TENM3: variants seen among roughly 807,000 people sequenced by gnomAD.
TENM3 encodes teneurin-3.
A neutral mutation model predicts 255.1 loss-of-function variants in TENM3; 63 were observed. That is an observed-to-expected ratio of 0.25 (90% CI 0.20 to 0.30). TENM3 has a LOEUF of 0.30. TENM3 is among the 10% of genes least tolerant of loss of function. TENM3 has a pLI of 1.00. For missense variants in TENM3, 2,929 were observed against 3,461.1 expected (o/e 0.85, Z 3.86); for synonymous variants, 1,306 against 1,322.3 (o/e 0.99, Z 0.27).
At chr4:182,008,205 G>T in the TENM3 span, among the ~76,000 whole-genome samples, 1 of 151,940 alleles carries the variant, frequency 6.6e-6, no homozygotes, top group Admixed American at 6.6e-5. Flanking sequence ...TGTGTCTTGG[G>T]GTTGATCTTC....
the TENM3 span, among the ~76,000 whole-genome samples, chr4:181,829,733 C>T: frequency 6.6e-6 from 1 of 152,158 alleles, no homozygotes; most frequent in Non-Finnish European, 1.5e-5. Context: ...GTGCCAGCCC[C>T]TACATTGCCC....
intron 1 of TENM3, among the ~76,000 whole-genome samples, chr4:182,227,505 C>T (rs1311992219): frequency 6.6e-6 from 1 of 152,128 alleles, no homozygotes; most frequent in African/African-American, 2.4e-5. Context: ...TTTCCCAAAC[C>T]GTAGGCGTCA....
At chr4:181,899,894 A>G in the TENM3 span, among the ~76,000 whole-genome samples, 1 of 152,044 alleles carries the variant, frequency 6.6e-6, no homozygotes, top group Admixed American at 6.6e-5. Context: ...ACTACCCTGG[A>G]TATTTTATTC....
rs186147331 is a variant in TENM3 at position 182,679,521 on chromosome 4, A to G, written c.1327-145A>G. The G allele has an allele frequency of 3.9e-4, 254 of 646,132 alleles. 1 individual carries two copies. The African/African-American group carries it at 4.1e-3, about 10-fold the overall frequency. The allele number at this position is 646,132 out of a possible 1,614,324, so 40.0% of individuals were successfully genotyped here. A position where few individuals can be genotyped will look rare whatever the true frequency, so the allele number is the denominator to read the frequency against. ...CCTCCTTGTAAATGCTATGCATGGGAGACTTCTACCATTTGGACCTGTCAG... is the reference window on the plus strand; with the variant it reads ...CCTCCTTGTAAATGCTATGCATGGGGGACTTCTACCATTTGGACCTGTCAG... On this transcript the variant is annotated intron_variant, in intron 7 of 27. Coordinates refer to ENST00000511685, the MANE Select transcript of TENM3 (RefSeq NM_001080477.4).
chr4:182,721,404 CA>C (rs1368734421), intron 13 of TENM3, among the ~76,000 whole-genome samples: 1 of 152,140 alleles, frequency 6.6e-6, no homozygotes, highest in Non-Finnish European at 1.5e-5. Context: ...CATGCCCGTA[CA>C]CATAGGCCCA....
intron 1 of TENM3, among the ~76,000 whole-genome samples, chr4:182,149,175 T>G (rs1181289887): frequency 6.6e-6 from 1 of 151,946 alleles, no homozygotes; most frequent in Non-Finnish European, 1.5e-5. Context: ...CGGATTGGTG[T>G]TTTTCCAGCT....
intron 4 of TENM3, among the ~76,000 whole-genome samples, chr4:182,607,546 T>G (rs999697461): frequency 2.6e-5 from 4 of 152,204 alleles, no homozygotes; most frequent in African/African-American, 9.6e-5. Flanking sequence ...AAAGCCTTCA[T>G]AGATGCATTG....
intron 3 of TENM3, among the ~76,000 whole-genome samples, chr4:182,495,210 G>A (rs1379579252): frequency 6.6e-6 from 1 of 152,168 alleles, no homozygotes; most frequent in Non-Finnish European, 1.5e-5. Flanking sequence ...TTTCTGATGC[G>A]AATATTCAGA....
rs375361058 is a variant in TENM3, at chr4:182,365,617, T to A, written c.511+18688T>A. ...TTTCCACAAAGTTTCTGTATCCTTATTGAGTAAATGAAAAACATAAAGCAG... is the reference window on the plus strand; with the variant it reads ...TTTCCACAAAGTTTCTGTATCCTTAATGAGTAAATGAAAAACATAAAGCAG... On this transcript the variant is annotated intron_variant, in intron 3 of 27. Coordinates refer to ENST00000511685, the MANE Select transcript of TENM3 (RefSeq NM_001080477.4). Among the ~76,000 whole-genome samples the A allele has an allele frequency of 9.2e-4, 140 of 152,334 alleles. 5 individuals are homozygous for A. The South Asian group carries it at 0.028, about 30-fold the overall frequency.
At chr4:182,786,249 A>G (rs1765645183) in intron 24 of TENM3, among the ~76,000 whole-genome samples, 1 of 151,804 alleles carries the variant, frequency 6.6e-6, no homozygotes, top group African/African-American at 2.4e-5. Context: ...CACACTCACA[A>G]ACCAAAGGTG....
chr4:181,476,038 A>C, the TENM3 span, among the ~76,000 whole-genome samples: 1 of 152,108 alleles, frequency 6.6e-6, no homozygotes, highest in Non-Finnish European at 1.5e-5. Context: ...TCCTGTAAAA[A>C]CACCAAGGTT....
chr4:181,984,582 G>A, the TENM3 span, among the ~76,000 whole-genome samples: 23,845 of 151,470 alleles, frequency 0.16, 2,169 homozygotes, highest in Admixed American at 0.28. Context: ...GAAAAAAAAA[G>A]CCTTTTGCAA....
chr4:181,456,638 T>C, the TENM3 span, among the ~76,000 whole-genome samples: 1 of 151,928 alleles, frequency 6.6e-6, no homozygotes, highest in Non-Finnish European at 1.5e-5. Flanking sequence ...GTGCTGTGAT[T>C]ATTCAGTACT....
chr4:181,921,322 G>A, the TENM3 span, among the ~76,000 whole-genome samples: 1 of 152,114 alleles, frequency 6.6e-6, no homozygotes, highest in Non-Finnish European at 1.5e-5. Flanking sequence ...AATTCCCTTG[G>A]GCAGTATGGC....
chr4:181,952,029 T>C, the TENM3 span, among the ~76,000 whole-genome samples: 1 of 152,246 alleles, frequency 6.6e-6, no homozygotes, highest in South Asian at 2.1e-4. Flanking sequence ...TATGGTATTA[T>C]AGTCACAGAA....
At chr4:182,147,208 G>A (rs1055313580) in intron 1 of TENM3, among the ~76,000 whole-genome samples, 1 of 152,174 alleles carries the variant, frequency 6.6e-6, no homozygotes, top group Admixed American at 6.5e-5. Flanking sequence ...GAAGAAGCGC[G>A]TGGCTATCGT....
At chr4:182,322,826 T>C (rs576314862) in intron 1 of TENM3, among the ~76,000 whole-genome samples, 80 of 152,196 alleles carry the variant, frequency 5.3e-4, no homozygotes, top group Non-Finnish European at 9.6e-4. Context: ...TCAACAGCGG[T>C]CACGGCCAAA....
intron 1 of TENM3, among the ~76,000 whole-genome samples, chr4:182,255,775 ACAGT>A (rs1292772421): frequency 6.6e-6 from 1 of 152,234 alleles, no homozygotes; most frequent in Non-Finnish European, 1.5e-5. Flanking sequence ...TAGTTCTTTC[ACAGT>A]CAGTCCTAAA....
At chr4:182,232,169 A>T (rs546656520) in intron 1 of TENM3, among the ~76,000 whole-genome samples, 3 of 151,932 alleles carry the variant, frequency 2.0e-5, no homozygotes, top group African/African-American at 7.2e-5. Context: ...TGGCGTCTTC[A>T]CTCCTCTGTC....
Sources: allele counts gnomAD v4.1 joint callset (sites outside exome capture counted in the v4.1 genomes callset), GRCh38; gene constraint gnomAD v4.1.1; transcripts MANE v1.5; gene names NCBI Gene and HGNC (gene_info 2026-07-23, HGNC 2026-07-21).